Variants in ANLN observed in about 807,000 individuals in gnomAD.
The protein encoded by ANLN is anillin.
In ANLN, 59 loss-of-function variants were observed where a neutral mutation model predicts 135.1. The observed-to-expected ratio is 0.44, with a 90% CI of 0.35 to 0.54. ANLN has a LOEUF of 0.54. ANLN is among the 20% of genes least tolerant of loss of function. The probability of loss-of-function intolerance (pLI) is 0.00; values close to 1 mark genes in which losing one functional copy is unlikely to be tolerated. For missense variants in ANLN, 1,182 were observed against 1,340.0 expected (o/e 0.88, Z 1.84); for synonymous variants, 406 against 456.4 (o/e 0.89, Z 1.41).
At chr7:36,392,160 A>G (rs1470345664) in intron 1 of ANLN, among the ~76,000 whole-genome samples, 2 of 152,212 alleles carry the variant, frequency 1.3e-5, no homozygotes, top group Non-Finnish European at 2.9e-5. Context: ...TACTTCACAG[A>G]AGCATATTTT....
At chr7:36,407,629 A>T in intron 4 of ANLN, 105 bp from the exon 5 acceptor site, 2 of 835,142 alleles carry the variant, frequency 2.4e-6, no homozygotes, top group Non-Finnish European at 3.8e-6. Context: ...ATTTTCATAA[A>T]TCTTACATAA....
At chr7:36,414,050 C>T (rs755027448) in intron 7 of ANLN, among the ~76,000 whole-genome samples, 7 of 151,734 alleles carry the variant, frequency 4.6e-5, no homozygotes, top group Non-Finnish European at 1.0e-4. Context: ...AGAAGGAAGG[C>T]ATGGTTGGTA....
intron 3 of ANLN, among the ~76,000 whole-genome samples, chr7:36,400,190 A>G (rs1184104082): frequency 6.6e-6 from 1 of 152,340 alleles, no homozygotes; most frequent in Admixed American, 6.5e-5. Context: ...ATGACTAACA[A>G]GCTAAAAGCA....
intron 1 of ANLN, among the ~76,000 whole-genome samples, chr7:36,392,488 ACTT>A (rs1336357591): frequency 6.9e-6 from 1 of 145,474 alleles, no homozygotes; most frequent in Non-Finnish European, 1.5e-5. Flanking sequence ...GGGCTATCCT[ACTT>A]CTTGAATATG....
chr7:36,442,705 C>T (rs1258796817), intron 21 of ANLN, among the ~76,000 whole-genome samples: 1 of 151,472 alleles, frequency 6.6e-6, no homozygotes, highest in Non-Finnish European at 1.5e-5. Flanking sequence ...GATCTTGGCT[C>T]ACTGTAAGCT....
Position 36,396,372 on chromosome 7 carries a change from A to C in ANLN, c.125A>C (p.Gln42Pro). 6.2e-7 allele frequency: 1 copy of C among 1,602,264 alleles called. No individual in the cohort carries two copies. Among genetic ancestry groups the C allele is most frequent in the Non-Finnish European group, 8.5e-7 (1 of 1,170,770 alleles). ...ATGACTCATGCTAAGCGAGCTAGACAGCCACTTTCAGAAGCAAGTAACCAG... is the reference window on the plus strand; with the variant it reads ...ATGACTCATGCTAAGCGAGCTAGACCGCCACTTTCAGAAGCAAGTAACCAG... ...RSMTHAKRAR[Q>P]PLSEASNQQP... Residue 42 changes from glutamine to proline, a missense_variant, in exon 2 of 24, where the codon CAG becomes CCG. Transcript: ENST00000265748.
At chr7:36,435,640 G>A (rs1231968404) in intron 20 of ANLN, among the ~76,000 whole-genome samples, 5 of 151,836 alleles carry the variant, frequency 3.3e-5, no homozygotes, top group Non-Finnish European at 7.4e-5. Context: ...TTGGGAGGCC[G>A]AGGCGGGCGG....
rs554897005 is a variant in ANLN at position 36,410,918 on chromosome 7, G to T, written c.1288-141G>T. On this transcript the variant is annotated intron_variant, in intron 6 of 23. Transcript: ENST00000265748. The stretch of plus-strand genomic sequence containing the variant: ...TTAGAAATATTGTCCTGAATTCCAT[G>T]TGTATTATGAACTTTTTAAACTGAA... 7.1e-6 allele frequency: 6 copies of T among 850,294 alleles called. No homozygotes were observed. In the East Asian group the frequency reaches 1.6e-4, roughly 23 times the overall value. The allele number at this position is 850,294 out of a possible 1,614,324, so 52.7% of individuals were successfully genotyped here.
chr7:36,435,386 G>T (rs929844289), intron 20 of ANLN, among the ~76,000 whole-genome samples: 30 of 68,236 alleles, frequency 4.4e-4, no homozygotes, highest in African/African-American at 9.5e-4. Flanking sequence ...TAGAGATGGT[G>T]GGGGGGGGGT....
chr7:36,414,792 C>T (rs1027412247), intron 7 of ANLN, among the ~76,000 whole-genome samples: 3 of 152,210 alleles, frequency 2.0e-5, no homozygotes, highest in African/African-American at 7.2e-5. Context: ...ACTTGAGAGA[C>T]AATAAAGTCT....
chr7:36,427,896 G>A (rs1788152977), intron 20 of ANLN, among the ~76,000 whole-genome samples: 1 of 152,004 alleles, frequency 6.6e-6, no homozygotes, highest in African/African-American at 2.4e-5. Context: ...TATTTCTTGG[G>A]TTGACTTCTA....
At chr7:36,415,930 T>C in intron 8 of ANLN, 46 bp downstream of exon 8, 1 of 1,436,030 alleles carries the variant, frequency 7.0e-7, no homozygotes, top group Non-Finnish European at 9.4e-7. Context: ...GAAACTCAAA[T>C]GATGTTTGTG....
At chr7:36,412,691 C>T (rs1244269950) in intron 7 of ANLN, among the ~76,000 whole-genome samples, 1 of 152,124 alleles carries the variant, frequency 6.6e-6, no homozygotes, top group Non-Finnish European at 1.5e-5. Context: ...AAGTGCTCCT[C>T]ATAGTCATCA....
At chr7:36,395,594 AG>A (rs767370071) in intron 1 of ANLN, among the ~76,000 whole-genome samples, 21 of 152,170 alleles carry the variant, frequency 1.4e-4, no homozygotes, top group Non-Finnish European at 2.2e-4. Context: ...AAAATCTTTG[AG>A]GGACCATTAT....
intron 9 of ANLN, among the ~76,000 whole-genome samples, chr7:36,417,822 C>T (rs1338199303): frequency 4.6e-5 from 7 of 151,952 alleles, no homozygotes; most frequent in South Asian, 4.2e-4. Context: ...GGACTACAGG[C>T]GCTGCCCCCA....
At chr7:36,403,275 C>T (rs1201795781) in intron 3 of ANLN, among the ~76,000 whole-genome samples, 1 of 152,082 alleles carries the variant, frequency 6.6e-6, no homozygotes, top group Non-Finnish European at 1.5e-5. Flanking sequence ...GATTCCTGGC[C>T]TCAGTGACTG....
intron 3 of ANLN, among the ~76,000 whole-genome samples, chr7:36,404,534 A>C (rs1787108278): frequency 6.6e-6 from 1 of 152,220 alleles, no homozygotes; most frequent in Non-Finnish European, 1.5e-5. Flanking sequence ...AATTTCTTTT[A>C]TCTTCCTCAC....
rs867847708 is a variant in ANLN at position 36,392,624 on chromosome 7, G to A, written c.18+2580G>A. Among the ~76,000 whole-genome samples, 23 of 151,014 alleles carry A rather than the reference G, an allele frequency of 1.5e-4. 1 individual carries two copies. Among genetic ancestry groups the A allele is most frequent in the South Asian group, 2.1e-4 (1 of 4,718 alleles). ...TTCCTGATATACTATTATAAGGAAC[G>A]GCTACTTACATTTATTGAGCTATTG... On this transcript the variant is annotated intron_variant, in intron 1 of 23. Transcript: ENST00000265748.
chr7:36,420,166 C>T lies in ANLN; in HGVS notation c.1870-3C>T, dbSNP rs756462705. 5 of 1,611,676 alleles carry T rather than the reference C, an allele frequency of 3.1e-6. No individual in the cohort carries two copies. The highest frequency in any genetic ancestry group is 4.2e-6 in the Non-Finnish European group (5 of 1,178,746). On this transcript the variant is annotated splice_polypyrimidine_tract_variant and splice_region_variant and intron_variant, in intron 10 of 23. Transcript: ENST00000265748. ...TGTTAATATCTGATGCGTTTTCCCACAGAGTTTAGTGTCCACACCTAGACT... is the reference window on the plus strand; with the variant it reads ...TGTTAATATCTGATGCGTTTTCCCATAGAGTTTAGTGTCCACACCTAGACT...
Sources: gnomAD v4.1 joint callset for allele counts (sites outside exome capture counted in the v4.1 genomes callset) on GRCh38, gnomAD v4.1.1 for gene constraint, MANE v1.5 for transcripts, NCBI Gene and HGNC (gene_info 2026-07-23, HGNC 2026-07-21) for gene names.